The following STK32A variants were observed in gnomAD, a reference collection of about 807,000 sequenced individuals.
STK32A encodes the protein serine/threonine kinase 32A, also known as serine/threonine-protein kinase 32A.
Under a neutral mutation model 53.2 loss-of-function variants are expected in STK32A, and 41 were observed. The ratio of observed to expected loss-of-function variants is 0.77; its 90% CI spans 0.60 to 1.00. STK32A has a LOEUF of 1.00. STK32A is among the 50% of genes least tolerant of loss of function. The pLI, the probability that STK32A is intolerant of heterozygous loss-of-function variation, is 0.00. For synonymous variants in STK32A, 166 were observed against 162.8 expected (o/e 1.02, Z -0.15); for missense variants, 458 against 485.8 (o/e 0.94, Z 0.54).
intron 4 of STK32A, among the ~76,000 whole-genome samples, chr5:147,286,639 C>A (rs1188017564): frequency 6.6e-6 from 1 of 152,112 alleles, no homozygotes; most frequent in Non-Finnish European, 1.5e-5. Flanking sequence ...TACATAAATG[C>A]ATCTTGATTT....
chr5:147,274,279 A>T (rs1581024916), intron 2 of STK32A, among the ~76,000 whole-genome samples: 2 of 152,140 alleles, frequency 1.3e-5, no homozygotes, highest in African/African-American at 2.4e-5. Context: ...TGCAGGCCAC[A>T]TACCCTAGCC....
chr5:147,271,511 C>T (rs1029250570), intron 2 of STK32A, among the ~76,000 whole-genome samples: 4 of 152,208 alleles, frequency 2.6e-5, no homozygotes, highest in Non-Finnish European at 5.9e-5. Flanking sequence ...TAACCTTAAA[C>T]TCTGACCGCC....
intron 4 of STK32A, among the ~76,000 whole-genome samples, chr5:147,297,324 A>G (rs1457627157): frequency 6.6e-6 from 1 of 152,230 alleles, no homozygotes; most frequent in African/African-American, 2.4e-5. Flanking sequence ...GAGACAGGAA[A>G]TCAAAAGCTG....
Position 147,255,444 on chromosome 5 carries a change from C to T in STK32A, c.52+15758C>T, listed in dbSNP as rs924831135. 1.2e-4 allele frequency among the ~76,000 whole-genome samples: 18 copies of T among 152,296 alleles called. 1 individual carries two copies. The highest frequency in any genetic ancestry group is 3.1e-4 in the African/African-American group (13 of 41,556). Reference sequence around the variant, plus strand: ...CCGACAAGAATAAGTCCACCTATTACGGCTGCGAGGGAAGTAAGAATTGAG... The same window carrying T: ...CCGACAAGAATAAGTCCACCTATTATGGCTGCGAGGGAAGTAAGAATTGAG... On this transcript the variant is annotated intron_variant, in intron 2 of 12. Coordinates refer to ENST00000397936, the MANE Select transcript of STK32A (RefSeq NM_001112724.2).
chr5:147,307,624 CAAAAAAAAAAAA>C lies in STK32A; in HGVS notation c.261-16260_261-16249del, dbSNP rs34762967. On this transcript the variant is annotated intron_variant, in intron 4 of 12. Coordinates refer to ENST00000397936, the MANE Select transcript of STK32A (RefSeq NM_001112724.2). ...TGGGCGACAGATCCAGACGCTGTCT[CAAAAAAAAAAAA>C]AAAAAAAAAAAAATCTTTGCCTATG... is the stretch of plus-strand genomic sequence containing the variant. 3.3e-3 allele frequency among the ~76,000 whole-genome samples: 249 copies of C among 75,296 alleles called. 1 individual carries two copies. Among genetic ancestry groups the C allele is most frequent in the South Asian group, 5.8e-3 (12 of 2,058 alleles). The allele number at this position is 75,296 out of a possible 152,430, so 49.4% of individuals were successfully genotyped here.
At chr5:147,361,006 C>G (rs573421091) in intron 7 of STK32A, among the ~76,000 whole-genome samples, 1 of 152,278 alleles carries the variant, frequency 6.6e-6, no homozygotes, top group African/African-American at 2.4e-5. Context: ...TGCTTGCTCC[C>G]TCTTTTCTCC....
chr5:147,375,020 G>A (rs767123783), intron 10 of STK32A, 70 bp from the exon 11 acceptor site: 104 of 1,423,772 alleles, frequency 7.3e-5, no homozygotes, highest in African/African-American at 8.6e-5. Flanking sequence ...ATTATTTTCC[G>A]TATTAGGTCT....
At chr5:147,400,822 T>G in the STK32A span, 1 of 1,613,718 alleles carries the variant, frequency 6.2e-7, no homozygotes, top group Non-Finnish European at 8.5e-7. Context: ...CCCAGATAGC[T>G]GCAGATCCCC....
chr5:147,378,071 A>T (rs559294562), intron 11 of STK32A, among the ~76,000 whole-genome samples: 1 of 152,208 alleles, frequency 6.6e-6, no homozygotes, highest in Middle Eastern at 3.4e-3. Context: ...AGTCAATCTT[A>T]CCTTATTATA....
chr5:147,380,176 C>T (rs1757396329), intron 11 of STK32A, among the ~76,000 whole-genome samples: 1 of 152,126 alleles, frequency 6.6e-6, no homozygotes, highest in African/African-American at 2.4e-5. Flanking sequence ...ATTTTTAATG[C>T]TAAAAATTAT....
intron 4 of STK32A, among the ~76,000 whole-genome samples, chr5:147,298,593 T>A (rs1752978198): frequency 6.6e-6 from 1 of 152,182 alleles, no homozygotes; most frequent in South Asian, 2.1e-4. Flanking sequence ...AAACCTCAGT[T>A]TTAGATAGTT....
intron 4 of STK32A, among the ~76,000 whole-genome samples, chr5:147,313,038 G>A (rs1187610075): frequency 6.9e-6 from 1 of 145,374 alleles, no homozygotes; most frequent in Non-Finnish European, 1.5e-5. Flanking sequence ...GCCAGCCTGG[G>A]CAACATAGTG....
At chr5:147,377,690 C>G (rs1283872936) in intron 11 of STK32A, among the ~76,000 whole-genome samples, 1 of 152,124 alleles carries the variant, frequency 6.6e-6, no homozygotes, top group Non-Finnish European at 1.5e-5. Flanking sequence ...GTTACTTTAG[C>G]CTGTGCTCAG....
chr5:147,307,990 T>C (rs1403461888), intron 4 of STK32A, among the ~76,000 whole-genome samples: 3 of 152,202 alleles, frequency 2.0e-5, no homozygotes, highest in Non-Finnish European at 4.4e-5. Context: ...CTACAGTTGG[T>C]TCTTTAAAAT....
chr5:147,302,037 T>A lies in STK32A; in HGVS notation c.261-21861T>A, dbSNP rs183347515. On this transcript the variant is annotated intron_variant, in intron 4 of 12. Transcript: ENST00000397936. Reference sequence around the variant, plus strand: ...TGGATAATGCAGGATCACCTCTCTATCTGATGATGGGCCTTAAAGTCCCTT... The same window carrying A: ...TGGATAATGCAGGATCACCTCTCTAACTGATGATGGGCCTTAAAGTCCCTT... Among the ~76,000 whole-genome samples, 223 of 152,254 alleles carry A rather than the reference T, an allele frequency of 1.5e-3. 1 individual carries two copies. Among genetic ancestry groups the A allele is most frequent in the Middle Eastern group, 0.01 (3 of 294 alleles).
intron 4 of STK32A, among the ~76,000 whole-genome samples, chr5:147,290,377 G>A (rs1409066387): frequency 6.6e-6 from 1 of 152,074 alleles, no homozygotes; most frequent in African/African-American, 2.4e-5. Context: ...TTCAAATGTA[G>A]GCCATGTTAT....
chr5:147,281,278 A>T (rs1752053128), intron 4 of STK32A, among the ~76,000 whole-genome samples: 1 of 152,170 alleles, frequency 6.6e-6, no homozygotes, highest in Non-Finnish European at 1.5e-5. Flanking sequence ...CCTGAAAAAG[A>T]ATTCAGGAGG....
chr5:147,374,135 A>G (rs73262269), intron 10 of STK32A, among the ~76,000 whole-genome samples: 7,137 of 151,994 alleles, frequency 0.047, 588 homozygotes, highest in African/African-American at 0.16. Flanking sequence ...AAAAGAAAAA[A>G]AAATTAGGCA....
At chr5:147,283,391 A>C (rs758474232) in intron 4 of STK32A, among the ~76,000 whole-genome samples, 2 of 152,100 alleles carry the variant, frequency 1.3e-5, no homozygotes, top group Non-Finnish European at 2.9e-5. Context: ...GGGACTAGAG[A>C]AACAAGAATA....
Sources: gnomAD v4.1 joint callset for allele counts (sites outside exome capture counted in the v4.1 genomes callset) on GRCh38, gnomAD v4.1.1 for gene constraint, MANE v1.5 for transcripts, NCBI Gene and HGNC (gene_info 2026-07-23, HGNC 2026-07-21) for gene names.